CLCA4: variants seen among roughly 807,000 people sequenced by gnomAD.
CLCA4 encodes chloride channel accessory 4.
CLCA4 carries 69 observed loss-of-function variants against 78.9 expected under a neutral mutation model. The observed-to-expected ratio is 0.87, with a 90% CI of 0.72 to 1.07. CLCA4 has a LOEUF of 1.07. Among genes scored for constraint, CLCA4 ranks in the 50% least tolerant of loss-of-function variants. The pLI is 0.00. For missense variants in CLCA4, 1,133 were observed against 1,095.8 expected (o/e 1.03, Z -0.48); for synonymous variants, 362 against 375.8 (o/e 0.96, Z 0.42).
chr1:86,559,399 A>C (rs1649946885), intron 1 of CLCA4, among the ~76,000 whole-genome samples: 1 of 152,100 alleles, frequency 6.6e-6, no homozygotes, highest in Non-Finnish European at 1.5e-5. Flanking sequence ...TGTCCTCCTC[A>C]GTTTGCATCA....
At chr1:86,572,172 A>G (rs1420372768) in intron 8 of CLCA4, among the ~76,000 whole-genome samples, 2 of 152,054 alleles carry the variant, frequency 1.3e-5, no homozygotes, top group African/African-American at 2.4e-5. Flanking sequence ...ATTTTGGTCT[A>G]TGCTGGCTGA....
Position 86,565,975 on chromosome 1 carries a change from T to C in CLCA4, c.909T>C (p.Ser303=). Reference sequence around the variant, plus strand: ...CTGTCTTCTCATTGCTGAAGATCAGTCAAAGAATTGTGTGCTTAGTTCTTG... The same window carrying C: ...CTGTCTTCTCATTGCTGAAGATCAGCCAAAGAATTGTGTGCTTAGTTCTTG... ...PPPVFSLLKI[S]QRIVCLVLDK... The change falls in exon 6 of 14, where the codon AGT becomes AGC. Residue 303 remains serine, a synonymous_variant. Coordinates refer to ENST00000370563, the MANE Select transcript of CLCA4 (RefSeq NM_012128.4). 2 of 1,613,144 alleles carry C rather than the reference T, an allele frequency of 1.2e-6. No individual in the cohort carries two copies. The highest frequency in any genetic ancestry group is 1.6e-4 in the Middle Eastern group (1 of 6,062).
chr1:86,565,105 T>A (rs1650137726), intron 4 of CLCA4, among the ~76,000 whole-genome samples, 169 bp from the exon 5 acceptor site: 2 of 152,042 alleles, frequency 1.3e-5, no homozygotes, highest in South Asian at 4.1e-4. Flanking sequence ...AAAAAATAGA[T>A]AATTATTTTG....
At chr1:86,579,779 T>C (rs78970538) in intron 13 of CLCA4, among the ~76,000 whole-genome samples, 163 bp from the exon 14 acceptor site, 7,920 of 152,078 alleles carry the variant, frequency 0.052, 686 homozygotes, top group African/African-American at 0.18. Flanking sequence ...ACAAAGAAGG[T>C]AGCAATTTGC....
Position 86,559,948 on chromosome 1 carries a change from C to T in CLCA4, c.176C>T (p.Ala59Val). ...TAATGACAGGATATGGTGACTACAG[C>T]TTCTACGTACCTGTTTGAAGCCACA... ...IEQIEDMVTTASTYLFEATEK... is the reference protein window; with the variant it reads ...IEQIEDMVTTVSTYLFEATEK... The change falls in exon 2 of 14, where the codon GCT becomes GTT. Residue 59 changes from alanine (A) to valine (V), a missense_variant. Physicochemically the swap from Ala to Val is moderately conservative, Grantham distance 64. Coordinates refer to ENST00000370563, the MANE Select transcript of CLCA4 (RefSeq NM_012128.4). The T allele has an allele frequency of 1.9e-6, 3 of 1,598,616 alleles. No homozygotes were observed. The highest frequency in any genetic ancestry group is 2.3e-5 in the South Asian group (2 of 87,266).
At chr1:86,550,059 T>C (rs1649610552) in intron 1 of CLCA4, among the ~76,000 whole-genome samples, 1 of 152,198 alleles carries the variant, frequency 6.6e-6, no homozygotes, top group South Asian at 2.1e-4. Flanking sequence ...ATATACTAAT[T>C]CTTTATATTT....
intron 10 of CLCA4, 133 bp from the exon 11 acceptor site, chr1:86,575,199 C>A: frequency 2.7e-6 from 2 of 752,228 alleles, no homozygotes; most frequent in Non-Finnish European, 4.2e-6. Flanking sequence ...TCAGCCCTTA[C>A]CCATTTATCC....
chr1:86,576,747 C>T (rs1650534782), intron 11 of CLCA4, among the ~76,000 whole-genome samples: 2 of 151,900 alleles, frequency 1.3e-5, no homozygotes, highest in Non-Finnish European at 2.9e-5. Flanking sequence ...CTAGCACTGC[C>T]ACAAAAGAGG....
intron 1 of CLCA4, among the ~76,000 whole-genome samples, chr1:86,556,945 T>G (rs750493399): frequency 4.6e-5 from 7 of 152,180 alleles, no homozygotes; most frequent in Admixed American, 1.3e-4. Flanking sequence ...GTCCAGGAAT[T>G]TATCCATCTC....
intron 1 of CLCA4, among the ~76,000 whole-genome samples, chr1:86,549,839 A>T (rs954790084): frequency 6.6e-6 from 1 of 152,212 alleles, no homozygotes; most frequent in African/African-American, 2.4e-5. Flanking sequence ...TTCTGAAAAC[A>T]TCCATGTAGA....
intron 1 of CLCA4, among the ~76,000 whole-genome samples, chr1:86,557,263 T>C (rs529306401): frequency 6.6e-6 from 1 of 152,144 alleles, no homozygotes; most frequent in Non-Finnish European, 1.5e-5. Flanking sequence ...TTGGGGTTGA[T>C]TTGTTCTTGC....
intron 7 of CLCA4, among the ~76,000 whole-genome samples, chr1:86,570,682 T>G (rs1407567893): frequency 6.6e-6 from 1 of 152,096 alleles, no homozygotes; most frequent in Non-Finnish European, 1.5e-5. Flanking sequence ...TGCAAGAGAC[T>G]TTATAAACTG....
chr1:86,552,157 C>G (rs993020206), intron 1 of CLCA4, among the ~76,000 whole-genome samples: 1 of 151,946 alleles, frequency 6.6e-6, no homozygotes, highest in Non-Finnish European at 1.5e-5. Context: ...AAAAAATATA[C>G]TTTTAAGAAA....
Position 86,572,620 on chromosome 1 carries a change from G to T in CLCA4, c.1367G>T (p.Ser456Ile). ...TAATGCATTTACATTTTAGGAGGAA[G>T]TCATTTTTATGTTTCAGATGAAGCT... ...VIEMSKITGGSHFYVSDEAQN... is the reference protein window; with the variant it reads ...VIEMSKITGGIHFYVSDEAQN... Residue 456 changes from serine (S) to isoleucine (I), a missense_variant, in exon 9 of 14, where the codon AGT (serine) becomes ATT (isoleucine). By Grantham distance (142) the Ser-to-Ile change is moderately radical. Coordinates refer to ENST00000370563, the MANE Select transcript of CLCA4 (RefSeq NM_012128.4). 1 of 1,591,482 alleles carries T rather than the reference G, an allele frequency of 6.3e-7. No homozygotes were observed.
In CLCA4 at chr1:86,579,466, A is replaced by C; in HGVS notation, c.2235A>C (p.Pro745=). 1 of 1,613,368 alleles carries C rather than the reference A, an allele frequency of 6.2e-7. No individual in the cohort carries two copies. Among genetic ancestry groups the C allele is most frequent in the Non-Finnish European group, 8.5e-7 (1 of 1,179,532 alleles). The change falls in exon 13 of 14, where the codon CCA becomes CCC. Residue 745 remains proline (P), a synonymous_variant. Coordinates refer to ENST00000370563, the MANE Select transcript of CLCA4 (RefSeq NM_012128.4). ...GTGCATTTGTGGTATCACAAGTCCC[A>C]AGCCTTCCCTTGCCTGACCAATACC... is the stretch of plus-strand genomic sequence containing the variant. ...SGGAFVVSQV[P]SLPLPDQYPP...
At chr1:86,576,683 C>T (rs1348878950) in intron 11 of CLCA4, among the ~76,000 whole-genome samples, 1 of 151,982 alleles carries the variant, frequency 6.6e-6, no homozygotes, top group Non-Finnish European at 1.5e-5. Context: ...GAGTAATCCT[C>T]GACAGCTGGA....
At chr1:86,579,629 T>G in intron 13 of CLCA4, 42 bp downstream of exon 13, 1 of 1,467,692 alleles carries the variant, frequency 6.8e-7, no homozygotes, top group Non-Finnish European at 9.5e-7. Flanking sequence ...AAGTAAAAGG[T>G]GCTAATTGCA....
intron 1 of CLCA4, chr1:86,553,157 A>T: frequency 1.0e-6 from 1 of 977,688 alleles, no homozygotes; most frequent in Non-Finnish European, 1.6e-6. Flanking sequence ...ACCACGTGGC[A>T]ATGAGGATTG....
Position 86,580,453 on chromosome 1 carries a change from A to C in CLCA4, c.*108A>C. 1 of 761,080 alleles carries C rather than the reference A, an allele frequency of 1.3e-6. No individual in the cohort carries two copies. Among genetic ancestry groups the C allele is most frequent in the South Asian group, 4.4e-5 (1 of 22,728 alleles). The allele number at this position is 761,080 out of a possible 1,614,324, so 47.1% of individuals were successfully genotyped here. ...AATCTTAAAATTCATCCCATGTGTGATCATAAACTCATAAAAATAATTTTA... is the reference window on the plus strand; with the variant it reads ...AATCTTAAAATTCATCCCATGTGTGCTCATAAACTCATAAAAATAATTTTA... On this transcript the variant is annotated 3_prime_UTR_variant, in exon 14 of 14. Coordinates refer to ENST00000370563, the MANE Select transcript of CLCA4 (RefSeq NM_012128.4).
Sources: allele counts gnomAD v4.1 joint callset (sites outside exome capture counted in the v4.1 genomes callset), GRCh38; gene constraint gnomAD v4.1.1; transcripts MANE v1.5; gene names NCBI Gene and HGNC (gene_info 2026-07-23, HGNC 2026-07-21).